JAG2: variants seen among roughly 807,000 people sequenced by gnomAD.
The protein encoded by JAG2 is protein jagged-2.
JAG2 carries 46 observed loss-of-function variants against 141.7 expected under a neutral mutation model. That is an observed-to-expected ratio of 0.32 (90% confidence interval 0.26 to 0.42). The LOEUF is 0.42. Ranked by LOEUF, JAG2 falls within the 10% of genes least tolerant of loss-of-function variation. The probability of loss-of-function intolerance (pLI) is 1.00; values close to 1 mark genes in which losing one functional copy is unlikely to be tolerated. For synonymous variants in JAG2, 862 were observed against 763.5 expected (o/e 1.13, Z -2.13); for missense variants, 1,500 against 1,817.5 (o/e 0.83, Z 3.18).
intron 2 of JAG2, among the ~76,000 whole-genome samples, chr14:105,158,230 G>A (rs1157753498): frequency 2.0e-5 from 3 of 152,252 alleles, no homozygotes; most frequent in East Asian, 1.9e-4. Flanking sequence ...CCATCACCAC[G>A]CTGGCGGCCT....
intron 5 of JAG2, among the ~76,000 whole-genome samples, 182 bp from the exon 6 acceptor site, chr14:105,152,473 C>T (rs1443836275): frequency 6.6e-6 from 1 of 152,198 alleles, no homozygotes; most frequent in African/African-American, 2.4e-5. Context: ...CTGTCACGGG[C>T]ATTCCCGGCC....
intron 23 of JAG2, 79 bp downstream of exon 23, chr14:105,145,652 C>A (rs994335898): frequency 2.0e-6 from 3 of 1,524,872 alleles, no homozygotes; most frequent in Admixed American, 2.0e-5. Context: ...CCCTGCCCTG[C>A]GGGGCTAGGC....
At chr14:105,149,754 C>G (rs918703860) in intron 12 of JAG2, among the ~76,000 whole-genome samples, 5 of 146,370 alleles carry the variant, frequency 3.4e-5, no homozygotes, top group African/African-American at 1.3e-4. Flanking sequence ...GAGGCCCATC[C>G]TCTGCACCAA....
At chr14:105,152,375 C>T (rs1888463499) in intron 5 of JAG2, 84 bp from the exon 6 acceptor site, 2 of 1,514,970 alleles carry the variant, frequency 1.3e-6, no homozygotes, top group African/African-American at 1.4e-5. Context: ...GTCACCCACG[C>T]CACACCCAGG....
At position 105,145,851 on chromosome 14, in the gene JAG2, C is replaced by T. The variant is rs1888206918; in HGVS notation, c.2832G>A (p.Glu944=). Residue 944 remains glutamate, a synonymous_variant, in exon 23 of 26, where the codon GAG becomes GAA. Transcript: ENST00000331782. ...CTTCTGCGCCGCACTCCCCCCAGGCCTCACAGGGTGGTCGCAGACACTGGC... is the reference window on the plus strand; with the variant it reads ...CTTCTGCGCCGCACTCCCCCCAGGCTTCACAGGGTGGTCGCAGACACTGGC... ...APGQCLRPPC[E]AWGECGAEEP... is the part of the protein sequence containing the mutation. The T allele has an allele frequency of 6.4e-7, 1 of 1,561,644 alleles. No homozygotes were observed. The highest frequency in any genetic ancestry group is 8.7e-7 in the Non-Finnish European group (1 of 1,153,640).
chr14:105,143,684 C>T, intron 24 of JAG2, 46 bp from the exon 25 acceptor site: 3 of 1,594,764 alleles, frequency 1.9e-6, no homozygotes, highest in Non-Finnish European at 1.7e-6. Flanking sequence ...GGGCTCCAGG[C>T]TCCCAGCAGC....
In JAG2 at chr14:105,148,166, G is replaced by A. The variant is rs1351039543; in HGVS notation, c.2198C>T (p.Thr733Ile). ...NGGTCYDSGD[T>I]FRCACPPGWK... ...GCCGGGGGGGCAGGCGCAGCGGAAGGTGTCGCCGCTGTCGTAGCAGGTGCC... is the reference window on the plus strand; with the variant it reads ...GCCGGGGGGGCAGGCGCAGCGGAAGATGTCGCCGCTGTCGTAGCAGGTGCC... Residue 733 changes from threonine (T) to isoleucine (I), a missense_variant, in exon 17 of 26, where the codon ACC (threonine) becomes ATC (isoleucine). Thr to Ile is a moderately conservative substitution (Grantham distance 89). Around this residue, in one of 3 missense-constraint regions of JAG2, gnomAD observed 875 missense variants for 1,202.2 expected, o/e 0.73. Transcript: ENST00000331782. 2 of 1,551,364 alleles carry A rather than the reference G, an allele frequency of 1.3e-6. No individual in the cohort carries two copies. The highest frequency in any genetic ancestry group is 1.4e-5 in the African/African-American group (1 of 73,136).
intron 12 of JAG2, 93 bp from the exon 13 acceptor site, chr14:105,149,413 G>A: frequency 6.5e-7 from 1 of 1,538,166 alleles, no homozygotes; most frequent in Non-Finnish European, 8.9e-7. Context: ...AGATCCCTGG[G>A]GACCCCCAGG....
chr14:105,165,467 G>A (rs1391365362), intron 2 of JAG2, among the ~76,000 whole-genome samples: 3 of 152,200 alleles, frequency 2.0e-5, no homozygotes, highest in Non-Finnish European at 2.9e-5. Context: ...GGAGAGGAGG[G>A]GCAGCCAGGC....
At position 105,143,744 on chromosome 14, in the gene JAG2, G is replaced by A. The variant is rs1233133486; in HGVS notation, c.3085-106C>T. 24 of 1,396,562 alleles carry A rather than the reference G, an allele frequency of 1.7e-5. No individual in the cohort carries two copies. In the Admixed American group the frequency reaches 1.7e-4, roughly 10 times the overall value. 86.5% of individuals were successfully genotyped at this position (1,396,562 alleles called of 1,614,324 possible). On this transcript the variant is annotated intron_variant, in intron 24 of 25. Coordinates refer to ENST00000331782, the MANE Select transcript of JAG2 (RefSeq NM_002226.5). ...CCACACTGGAGCAAGGTGGGCGCAC[G>A]GGAGACGAGAGCCCGGGGTCCTGCA... is the stretch of plus-strand genomic sequence containing the variant.
In JAG2 at chr14:105,148,991, C is replaced by T; in HGVS notation, c.1852G>A (p.Gly618Ser). 6.2e-7 allele frequency: 1 copy of T among 1,607,780 alleles called. No homozygotes were observed. The highest frequency in any genetic ancestry group is 8.5e-7 in the Non-Finnish European group (1 of 1,177,820). ...PHGRCVSQPG[G>S]NFSCICDSGF... ...CTGTCACAGATGCAGGAAAAGTTGCCCCCTGGCTGGCTGACGCAGCGTCCA... is the reference window on the plus strand; with the variant it reads ...CTGTCACAGATGCAGGAAAAGTTGCTCCCTGGCTGGCTGACGCAGCGTCCA... Residue 618 changes from glycine (G) to serine (S), a missense_variant, in exon 14 of 26, where the codon GGC becomes AGC. Physicochemically the swap from Gly to Ser is moderately conservative, Grantham distance 56 (BLOSUM62 0). Transcript: ENST00000331782.
intron 17 of JAG2, 93 bp downstream of exon 17, chr14:105,148,023 C>T: frequency 2.5e-6 from 3 of 1,218,780 alleles, no homozygotes; most frequent in South Asian, 1.3e-5. Context: ...AGGTGTGGCC[C>T]TCAAAAAAGA....
chr14:105,161,063 A>C (rs1389556738), intron 2 of JAG2, among the ~76,000 whole-genome samples: 1 of 151,196 alleles, frequency 6.6e-6, no homozygotes, highest in Non-Finnish European at 1.5e-5. Context: ...GGCTAAGCGA[A>C]GTGGGTGACT....
At chr14:105,158,775 G>T (rs901577799) in intron 2 of JAG2, among the ~76,000 whole-genome samples, 3 of 152,080 alleles carry the variant, frequency 2.0e-5, no homozygotes, top group African/African-American at 7.2e-5. Flanking sequence ...GGGGGCTGGG[G>T]CTGAGTCACC....
intron 2 of JAG2, among the ~76,000 whole-genome samples, chr14:105,161,661 C>T (rs926686950): frequency 9.8e-5 from 15 of 152,286 alleles, no homozygotes; most frequent in South Asian, 4.1e-4. Context: ...TGCCTCACCC[C>T]ACCTGCCAGC....
chr14:105,146,174 G>A (rs1043979734), intron 22 of JAG2, among the ~76,000 whole-genome samples: 1 of 152,156 alleles, frequency 6.6e-6, no homozygotes, highest in Non-Finnish European at 1.5e-5. Flanking sequence ...AAGGGCAGGC[G>A]GAGCAAGGCA....
intron 2 of JAG2, among the ~76,000 whole-genome samples, chr14:105,162,282 C>A (rs1328545393): frequency 6.6e-6 from 1 of 152,024 alleles, no homozygotes; most frequent in African/African-American, 2.4e-5. Context: ...CCGGCCTGAC[C>A]CACCCCCACC....
intron 2 of JAG2, among the ~76,000 whole-genome samples, chr14:105,162,435 G>A (rs972508478): frequency 4.6e-5 from 2 of 43,868 alleles, no homozygotes; most frequent in East Asian, 3.9e-4. Context: ...AGGACAGGCA[G>A]ACAAGACAAT....
At chr14:105,148,084 C>G in intron 17 of JAG2, 32 bp downstream of exon 17, 1 of 1,508,454 alleles carries the variant, frequency 6.6e-7, no homozygotes, top group Non-Finnish European at 9.0e-7. Flanking sequence ...GGCATATGCC[C>G]GGCGGTCGCA....
Sources: gnomAD v4.1 joint callset for allele counts (sites outside exome capture counted in the v4.1 genomes callset) on GRCh38, gnomAD v4.1.1 for gene constraint, gnomAD v4.1.1 regional missense constraint, MANE v1.5 for transcripts, NCBI Gene and HGNC (gene_info 2026-07-23, HGNC 2026-07-21) for gene names.